GRID2: variants seen among roughly 807,000 people sequenced by gnomAD.
GRID2 encodes glutamate ionotropic receptor delta type subunit 2.
A neutral mutation model predicts 114.8 loss-of-function variants in GRID2; 33 were observed. The observed-to-expected ratio is 0.29, with a 90% CI of 0.22 to 0.38. The LOEUF is 0.38. Ranked by LOEUF, GRID2 falls within the 10% of genes least tolerant of loss-of-function variation. The probability of loss-of-function intolerance (pLI) is 1.00; values close to 1 mark genes in which losing one functional copy is unlikely to be tolerated. For missense variants in GRID2, 1,184 were observed against 1,257.7 expected, an observed-to-expected ratio of 0.94 and a Z score of 0.89; for synonymous variants, 505 against 449.9, an observed-to-expected ratio of 1.12 and a Z score of -1.55.
chr4:93,056,835 A>G (rs931859656), intron 2 of GRID2, among the ~76,000 whole-genome samples: 3 of 151,906 alleles, frequency 2.0e-5, no homozygotes, highest in Non-Finnish European at 2.9e-5. Context: ...TGTGTTTGCA[A>G]TAGTTTTAAT....
intron 2 of GRID2, among the ~76,000 whole-genome samples, chr4:92,992,978 C>T (rs958433236): frequency 6.6e-6 from 1 of 151,962 alleles, no homozygotes; most frequent in African/African-American, 2.4e-5. Flanking sequence ...ATTGCAGCTA[C>T]TTTCAGAGTG....
intron 8 of GRID2, among the ~76,000 whole-genome samples, chr4:93,239,679 A>AGGAAAGAAC (rs1747257405): frequency 6.6e-6 from 1 of 151,620 alleles, no homozygotes; most frequent in Non-Finnish European, 1.5e-5. Flanking sequence ...ATTATTTTAA[A>AGGAAAGAAC]GGAAAGAACC....
chr4:92,991,924 A>G (rs956976798), intron 2 of GRID2, among the ~76,000 whole-genome samples: 3 of 152,200 alleles, frequency 2.0e-5, no homozygotes, highest in Non-Finnish European at 4.4e-5. Context: ...AAGTTTTTTT[A>G]AATACAAAAA....
chr4:92,787,802 G>C (rs900970850), intron 2 of GRID2, among the ~76,000 whole-genome samples: 2 of 151,832 alleles, frequency 1.3e-5, no homozygotes, highest in African/African-American at 4.8e-5. Flanking sequence ...CCTGATAAGA[G>C]ATGGTGCTGC....
intron 4 of GRID2, among the ~76,000 whole-genome samples, chr4:93,198,783 G>T (rs989188358): frequency 2.6e-5 from 4 of 152,082 alleles, no homozygotes; most frequent in African/African-American, 9.7e-5. Context: ...CCACAGCTGT[G>T]GAGAGCTCAT....
chr4:92,537,704 T>G (rs1302028253), intron 1 of GRID2, among the ~76,000 whole-genome samples: 2 of 152,052 alleles, frequency 1.3e-5, no homozygotes, highest in Non-Finnish European at 2.9e-5. Flanking sequence ...GGTTTGTGTT[T>G]GCAAACAGTC....
In GRID2 at chr4:92,813,617, T is replaced by A. The variant is rs531239211; in HGVS notation, c.244+223331T>A. On this transcript the variant is annotated intron_variant, in intron 2 of 15. Coordinates refer to ENST00000282020, the MANE Select transcript of GRID2 (RefSeq NM_001510.4). The stretch of plus-strand genomic sequence containing the variant: ...ATACATATTTATATCCATTCAGATT[T>A]ATCAGAATTCTTCATTTAACTTCAG... Among the ~76,000 whole-genome samples the A allele has an allele frequency of 3.9e-5, 6 of 152,196 alleles. No individual in the cohort carries two copies. The East Asian group carries it at 1.2e-3, about 29-fold the overall frequency.
At chr4:92,546,540 G>A (rs181849904) in intron 1 of GRID2, among the ~76,000 whole-genome samples, 1 of 152,258 alleles carries the variant, frequency 6.6e-6, no homozygotes, top group Admixed American at 6.5e-5. Context: ...TTATACTGAT[G>A]CATGTGTGTG....
chr4:93,666,295 G>A (rs925884877), intron 14 of GRID2, among the ~76,000 whole-genome samples: 4 of 151,908 alleles, frequency 2.6e-5, no homozygotes, highest in Non-Finnish European at 4.4e-5. Flanking sequence ...ATTGAATTTG[G>A]TCCTGAGAAT....
chr4:93,263,378 C>T (rs1396594075), intron 8 of GRID2, among the ~76,000 whole-genome samples: 1 of 151,964 alleles, frequency 6.6e-6, no homozygotes, highest in Non-Finnish European at 1.5e-5. Context: ...TTCCTCCATC[C>T]CCCATTGTGT....
intron 8 of GRID2, among the ~76,000 whole-genome samples, chr4:93,248,570 G>T (rs1427839280): frequency 6.6e-6 from 1 of 152,100 alleles, no homozygotes; most frequent in Non-Finnish European, 1.5e-5. Context: ...TAGTCTGAGA[G>T]AAAGATATAT....
chr4:93,682,376 T>C (rs1369286563), intron 14 of GRID2, among the ~76,000 whole-genome samples: 3 of 151,830 alleles, frequency 2.0e-5, no homozygotes, highest in Non-Finnish European at 4.4e-5. Context: ...AGTGTGGCGA[T>C]TCCTCAGGGA....
At chr4:92,960,266 A>G (rs942657406) in intron 2 of GRID2, among the ~76,000 whole-genome samples, 2 of 152,032 alleles carry the variant, frequency 1.3e-5, no homozygotes, top group Non-Finnish European at 2.9e-5. Context: ...AATAGAGGTC[A>G]ATTATATTCA....
chr4:92,979,359 A>G (rs1754050005), intron 2 of GRID2, among the ~76,000 whole-genome samples: 1 of 151,996 alleles, frequency 6.6e-6, no homozygotes, highest in African/African-American at 2.4e-5. Flanking sequence ...ATTATAATAA[A>G]CAGTATTTGG....
intron 6 of GRID2, among the ~76,000 whole-genome samples, chr4:93,223,053 G>T (rs2149490688): frequency 6.6e-6 from 1 of 152,222 alleles, no homozygotes; most frequent in East Asian, 1.9e-4. Flanking sequence ...AGAAGGTTGT[G>T]TATTATTTTG....
chr4:92,884,331 T>G (rs2149461446), intron 2 of GRID2, among the ~76,000 whole-genome samples: 1 of 152,330 alleles, frequency 6.6e-6, no homozygotes, highest in Admixed American at 6.5e-5. Flanking sequence ...TCGTTTGATC[T>G]TCTATCCAGA....
intron 4 of GRID2, among the ~76,000 whole-genome samples, chr4:93,173,405 C>T (rs1380926108): frequency 1.3e-5 from 2 of 151,496 alleles, no homozygotes; most frequent in Non-Finnish European, 2.9e-5. Context: ...CTCATTATAT[C>T]CTAGGACAGG....
chr4:93,007,582 GA>G (rs1468664949), intron 2 of GRID2, among the ~76,000 whole-genome samples: 1 of 152,090 alleles, frequency 6.6e-6, no homozygotes, highest in Non-Finnish European at 1.5e-5. Flanking sequence ...ACAAGAGAAT[GA>G]GTATATCTAA....
At chr4:92,361,510 G>GT (rs1465053533) in intron 1 of GRID2, among the ~76,000 whole-genome samples, 4 of 152,006 alleles carry the variant, frequency 2.6e-5, no homozygotes, top group African/African-American at 9.6e-5. Context: ...TTGTATTGCT[G>GT]TATCTAGTAC....
Sources: gnomAD v4.1 joint callset for allele counts (sites outside exome capture counted in the v4.1 genomes callset) on GRCh38, gnomAD v4.1.1 for gene constraint, MANE v1.5 for transcripts, NCBI Gene and HGNC (gene_info 2026-07-23, HGNC 2026-07-21) for gene names.